The following FAT3 variants were observed in gnomAD, a reference collection of about 807,000 sequenced individuals.
The protein encoded by FAT3 is protocadherin Fat 3.
In FAT3, 95 loss-of-function variants were observed where a neutral mutation model predicts 310.2. The ratio of observed to expected loss-of-function variants is 0.31; its 90% CI spans 0.26 to 0.36. The LOEUF is 0.36. Ranked by LOEUF, FAT3 falls within the 10% of genes least tolerant of loss-of-function variation. The probability of loss-of-function intolerance (pLI) is 1.00; values close to 1 mark genes in which losing one functional copy is unlikely to be tolerated. For synonymous variants in FAT3, 2,314 were observed against 2,192.9 expected, an observed-to-expected ratio of 1.06 and a Z score of -1.54; for missense variants, 5,408 against 5,715.6, an observed-to-expected ratio of 0.95 and a Z score of 1.74.
chr11:92,562,072 G>A lies in FAT3; in HGVS notation c.3607+37124G>A, dbSNP rs150962913. On this transcript the variant is annotated intron_variant, in intron 3 of 27. Coordinates refer to ENST00000525166, the MANE Select transcript of FAT3 (RefSeq NM_001367949.2). ...CTTTCTACCTCTTTGCTGTTTTCTG[G>A]ATGGTTTCACCTCCCCACAGGCAGT... 2.8e-3 allele frequency among the ~76,000 whole-genome samples: 419 copies of A among 152,054 alleles called. 1 individual carries two copies. The highest frequency in any genetic ancestry group is 9.5e-3 in the African/African-American group (392 of 41,470).
intron 2 of FAT3, among the ~76,000 whole-genome samples, chr11:92,518,069 C>A (rs2135336528): frequency 6.6e-6 from 1 of 152,076 alleles, no homozygotes; most frequent in East Asian, 1.9e-4. Flanking sequence ...GTGGTGATTC[C>A]TCAAGGTTCT....
chr11:92,724,246 G>C (rs145799520), intron 4 of FAT3, among the ~76,000 whole-genome samples: 31 of 152,224 alleles, frequency 2.0e-4, no homozygotes, highest in African/African-American at 6.7e-4. Flanking sequence ...TGAGGCACTT[G>C]GTTGTCCTCC....
intron 3 of FAT3, among the ~76,000 whole-genome samples, chr11:92,640,930 G>A (rs556381241): frequency 6.6e-6 from 1 of 152,134 alleles, no homozygotes; most frequent in Admixed American, 6.5e-5. Flanking sequence ...TTCTGGTCTG[G>A]GCATGGTGGC....
chr11:92,597,298 C>A (rs753595413), intron 3 of FAT3, among the ~76,000 whole-genome samples: 1 of 152,190 alleles, frequency 6.6e-6, no homozygotes, highest in Non-Finnish European at 1.5e-5. Context: ...AAGTGACAGG[C>A]ATTTTCTAAT....
rs74508536 is a variant in FAT3 at position 92,711,523 on chromosome 11, G to A, written c.3669+14078G>A. On this transcript the variant is annotated intron_variant, in intron 4 of 27. Coordinates refer to ENST00000525166, the MANE Select transcript of FAT3 (RefSeq NM_001367949.2). ...CTGCCTGTGGATCAGCTAAAGGAAA[G>A]ACTCTGGACATCATCTAATGTAATT... is the stretch of plus-strand genomic sequence containing the variant. Among the ~76,000 whole-genome samples, 10 of 152,246 alleles carry A rather than the reference G, an allele frequency of 6.6e-5. No individual in the cohort carries two copies. In the East Asian group the frequency reaches 1.9e-3, roughly 29 times the overall value.
At position 92,876,386 on chromosome 11, in the gene FAT3, T is replaced by C. The variant is rs544305424; in HGVS notation, c.12128-4345T>C. On this transcript the variant is annotated intron_variant, in intron 22 of 27. Coordinates refer to ENST00000525166, the MANE Select transcript of FAT3 (RefSeq NM_001367949.2). ...TTCAACTCTATTAAAGTGAGCAATT[T>C]CCCAAAATGAAAAAAATAACCCCAA... Among the ~76,000 whole-genome samples the C allele has an allele frequency of 7.2e-5, 11 of 152,226 alleles. No individual in the cohort carries two copies. The South Asian group carries it at 2.1e-3, about 29-fold the overall frequency.
chr11:92,783,621 A>T (rs1413225362), intron 7 of FAT3, among the ~76,000 whole-genome samples: 2 of 151,942 alleles, frequency 1.3e-5, no homozygotes, highest in Non-Finnish European at 2.9e-5. Context: ...AGCCTGGGTA[A>T]CATAGCGAGG....
At chr11:92,693,130 A>G (rs1289020729) in intron 3 of FAT3, among the ~76,000 whole-genome samples, 2 of 152,182 alleles carry the variant, frequency 1.3e-5, no homozygotes, top group African/African-American at 4.8e-5. Flanking sequence ...TTTAAAAGTA[A>G]TTGCACAGTT....
intron 2 of FAT3, among the ~76,000 whole-genome samples, chr11:92,509,050 G>T (rs1030009383): frequency 6.6e-6 from 1 of 152,026 alleles, no homozygotes. Flanking sequence ...CAACATCAAT[G>T]ATGTTTTATC....
At chr11:92,412,093 C>A (rs1157422888) in intron 2 of FAT3, among the ~76,000 whole-genome samples, 1 of 151,848 alleles carries the variant, frequency 6.6e-6, no homozygotes, top group Non-Finnish European at 1.5e-5. Context: ...TTATCCCCCA[C>A]ATGTTATTAT....
At chr11:92,842,252 A>G (rs1948572065) in intron 18 of FAT3, among the ~76,000 whole-genome samples, 1 of 152,208 alleles carries the variant, frequency 6.6e-6, no homozygotes, top group African/African-American at 2.4e-5. Context: ...TGCAGGCTGA[A>G]TTCTGCCCCA....
chr11:92,742,217 G>C (rs958345947), intron 4 of FAT3, among the ~76,000 whole-genome samples: 6 of 152,198 alleles, frequency 3.9e-5, no homozygotes, highest in Non-Finnish European at 5.9e-5. Flanking sequence ...ACAAAGTCAA[G>C]TGAAACATAC....
intron 3 of FAT3, among the ~76,000 whole-genome samples, chr11:92,625,277 C>G (rs1337811648): frequency 6.6e-6 from 1 of 152,210 alleles, no homozygotes; most frequent in Non-Finnish European, 1.5e-5. Flanking sequence ...CAACAACTCT[C>G]TCTCTGGGTT....
At chr11:92,237,426 G>C (rs1864476157) in intron 1 of FAT3, among the ~76,000 whole-genome samples, 1 of 151,962 alleles carries the variant, frequency 6.6e-6, no homozygotes, top group Non-Finnish European at 1.5e-5. Flanking sequence ...CCTTTGTTTG[G>C]GACTAGGGAC....
intron 3 of FAT3, among the ~76,000 whole-genome samples, chr11:92,544,444 A>G (rs911819583): frequency 6.6e-6 from 1 of 152,180 alleles, no homozygotes; most frequent in Non-Finnish European, 1.5e-5. Context: ...GATTATATGA[A>G]TGCTTCAAAT....
Position 92,880,836 on chromosome 11 carries a change from T to G in FAT3, c.12233T>G (p.Ile4078Arg), listed in dbSNP as rs764522008. 1 of 1,613,898 alleles carries G rather than the reference T, an allele frequency of 6.2e-7. No homozygotes were observed. The highest frequency in any genetic ancestry group is 8.5e-7 in the Non-Finnish European group (1 of 1,179,854). ...CGGAATGGAGGATCCTGCGATCCAA[T>G]AGGAAACACTTTCATCTGCAATTGT... ...PCRNGGSCDP[I>R]GNTFICNCKA... is the part of the protein sequence containing the mutation. Residue 4078 changes from isoleucine (I) to arginine (R), a missense_variant, in exon 23 of 28, where the codon ATA becomes AGA. By Grantham distance (97) the Ile-to-Arg change is moderately conservative (BLOSUM62 -3). Around this residue, in one of 5 missense-constraint regions of FAT3, gnomAD observed 649 missense variants for 666.2 expected, o/e 0.97. Transcript: ENST00000525166.
At position 92,882,812 on chromosome 11, in the gene FAT3, C is replaced by T. The variant is rs1949703982; in HGVS notation, c.12356C>T (p.Ser4119Phe). ...GGCTCCTGCGTGAACGTGTTCGGCT[C>T]CTTCCTCTGCAACTGCACGCCGGGC... ...NGGSCVNVFGSFLCNCTPGYV... is the reference protein window; with the variant it reads ...NGGSCVNVFGFFLCNCTPGYV... Residue 4119 changes from serine to phenylalanine, a missense_variant, in exon 24 of 28, where the codon TCC (serine) becomes TTC (phenylalanine). By Grantham distance (155) the Ser-to-Phe change is radical (BLOSUM62 -2). Transcript: ENST00000525166. The T allele has an allele frequency of 6.2e-7, 1 of 1,611,810 alleles. No individual in the cohort carries two copies. The highest frequency in any genetic ancestry group is 1.7e-5 in the Admixed American group (1 of 59,754).
intron 3 of FAT3, among the ~76,000 whole-genome samples, chr11:92,560,459 T>A (rs1304203782): frequency 6.6e-6 from 1 of 151,078 alleles, no homozygotes; most frequent in Non-Finnish European, 1.5e-5. Context: ...GTTTTTTTTT[T>A]ATTTGTATTG....
chr11:92,543,309 A>G (rs1591427886), intron 3 of FAT3, among the ~76,000 whole-genome samples: 1 of 152,194 alleles, frequency 6.6e-6, no homozygotes, highest in Admixed American at 6.5e-5. Context: ...ATATATTTCA[A>G]AATAGCTAGA....
Sources: allele counts gnomAD v4.1 joint callset (sites outside exome capture counted in the v4.1 genomes callset), GRCh38; gene constraint gnomAD v4.1.1; regional missense constraint gnomAD v4.1.1; transcripts MANE v1.5; gene names NCBI Gene and HGNC (gene_info 2026-07-23, HGNC 2026-07-21).